Variants in RPGRIP1L observed in about 807,000 individuals in gnomAD.
The protein encoded by RPGRIP1L is protein fantom.
RPGRIP1L carries 131 observed loss-of-function variants against 160.4 expected under a neutral mutation model. The ratio of observed to expected loss-of-function variants is 0.82; its 90% confidence interval spans 0.71 to 0.94. The LOEUF is 0.94. RPGRIP1L is among the 40% of genes least tolerant of loss of function. The pLI, the probability that RPGRIP1L is intolerant of heterozygous loss-of-function variation, is 0.00. For missense variants in RPGRIP1L, 1,522 were observed against 1,535.8 expected (o/e 0.99, Z 0.15); for synonymous variants, 510 against 515.8 (o/e 0.99, Z 0.15).
chr16:53,658,901 T>C (rs1204772001), intron 10 of RPGRIP1L, 23 bp from the exon 11 acceptor site: 6 of 1,431,704 alleles, frequency 4.2e-6, no homozygotes, highest in African/African-American at 1.4e-5. Flanking sequence ...GTCCACACAA[T>C]TGGAAAGGTA....
At chr16:53,626,486 C>T (rs1201972821) in intron 22 of RPGRIP1L, among the ~76,000 whole-genome samples, 2 of 152,090 alleles carry the variant, frequency 1.3e-5, no homozygotes, top group African/African-American at 4.8e-5. Flanking sequence ...TCCTCAGTAT[C>T]ACCATGTAAA....
At chr16:53,648,583 A>G (rs1031610565) in intron 16 of RPGRIP1L, among the ~76,000 whole-genome samples, 4 of 151,846 alleles carry the variant, frequency 2.6e-5, no homozygotes, top group African/African-American at 9.7e-5. Flanking sequence ...ATAAAACTGC[A>G]AAGAATAATT....
intron 2 of RPGRIP1L, among the ~76,000 whole-genome samples, chr16:53,697,426 G>A (rs1167213971): frequency 6.6e-6 from 1 of 151,988 alleles, no homozygotes; most frequent in Non-Finnish European, 1.5e-5. Flanking sequence ...AAGCTGGACT[G>A]TGCTGCTGCC....
intron 1 of RPGRIP1L, among the ~76,000 whole-genome samples, chr16:53,702,775 C>T (rs1002406574): frequency 2.0e-5 from 3 of 151,714 alleles, no homozygotes; most frequent in African/African-American, 7.3e-5. Flanking sequence ...ACCTCAGCCT[C>T]CCGAGTAGCT....
At chr16:53,700,474 G>C (rs1241343386) in intron 2 of RPGRIP1L, among the ~76,000 whole-genome samples, 165 bp downstream of exon 2, 1 of 152,192 alleles carries the variant, frequency 6.6e-6, no homozygotes, top group Non-Finnish European at 1.5e-5. Context: ...GATGCATGTA[G>C]TAAAATACCA....
chr16:53,655,538 T>C (rs1426871037), intron 14 of RPGRIP1L: 1 of 152,198 alleles, frequency 6.6e-6, no homozygotes, highest in African/African-American at 2.4e-5. Flanking sequence ...ATTTTGGTTA[T>C]GGAGAATATG....
chr16:53,625,854 G>A (rs546175629), intron 22 of RPGRIP1L, among the ~76,000 whole-genome samples: 26 of 152,156 alleles, frequency 1.7e-4, no homozygotes, highest in Non-Finnish European at 3.4e-4. Flanking sequence ...CCAACCCCGT[G>A]CTCTCTGAAA....
At chr16:53,674,034 G>T (rs367804660) in intron 7 of RPGRIP1L, among the ~76,000 whole-genome samples, 10 of 152,040 alleles carry the variant, frequency 6.6e-5, no homozygotes, top group African/African-American at 2.4e-4. Flanking sequence ...CAACTACAGG[G>T]ATTTTTAAAA....
intron 2 of RPGRIP1L, among the ~76,000 whole-genome samples, chr16:53,699,997 G>A (rs1300418202): frequency 6.6e-6 from 1 of 152,158 alleles, no homozygotes; most frequent in African/African-American, 2.4e-5. Flanking sequence ...GCTAGAGGGG[G>A]ATTTTACGTT....
At chr16:53,664,113 A>G (rs1968041717) in intron 10 of RPGRIP1L, among the ~76,000 whole-genome samples, 1 of 152,214 alleles carries the variant, frequency 6.6e-6, no homozygotes, top group Non-Finnish European at 1.5e-5. Context: ...AACAGATATA[A>G]CAACACTTAA....
chr16:53,658,865 T>A lies in RPGRIP1L; in HGVS notation c.1257A>T (p.Lys419Asn), dbSNP rs976533506. The A allele has an allele frequency of 3.1e-6, 5 of 1,595,566 alleles. No individual in the cohort carries two copies. Among genetic ancestry groups the A allele is most frequent in the Non-Finnish European group, 4.3e-6 (5 of 1,166,724 alleles). The part of the protein sequence containing the change: ...RLKTERDQNE[K>N]LVQENRELQL... ...GTAGTTCTCTATTCTCTTGAACGAG[T>A]TTTTCATTTTGATCTTAAAAATAAA... is the stretch of plus-strand genomic sequence containing the variant. Residue 419 changes from lysine to asparagine, a missense_variant, in exon 11 of 27, where the codon AAA becomes AAT. Coordinates refer to ENST00000647211, the MANE Select transcript of RPGRIP1L (RefSeq NM_015272.5).
intron 16 of RPGRIP1L, among the ~76,000 whole-genome samples, chr16:53,647,616 G>A (rs1966646334): frequency 6.6e-6 from 1 of 152,128 alleles, no homozygotes; most frequent in South Asian, 2.1e-4. Context: ...AATAGGGTGG[G>A]GAGTGAAAGA....
At position 53,657,519 on chromosome 16, in the gene RPGRIP1L, C is replaced by T. The variant is rs1472969606; in HGVS notation, c.1515G>A (p.Thr505=). 4.3e-6 allele frequency: 7 copies of T among 1,612,560 alleles called. No individual in the cohort carries two copies. The highest frequency in any genetic ancestry group is 1.7e-5 in the Admixed American group (1 of 59,964). The change falls in exon 13 of 27, where the codon ACG becomes ACA. Residue 505 remains threonine, a synonymous_variant. Transcript: ENST00000647211. ...MRELQATHAE[T]VQELEKTRNM... is the part of the protein sequence containing the mutation. ...TTCTTGTCTTTTCCAGCTCTTGCACCGTTTCTGCATGAGTTGCTTGCAGCT... is the reference window on the plus strand; with the variant it reads ...TTCTTGTCTTTTCCAGCTCTTGCACTGTTTCTGCATGAGTTGCTTGCAGCT...
At chr16:53,693,537 A>G (rs1047241527) in intron 3 of RPGRIP1L, 6 of 152,304 alleles carry the variant, frequency 3.9e-5, no homozygotes, top group African/African-American at 1.4e-4. Flanking sequence ...AGCTATGCAT[A>G]ACATAATCAG....
intron 16 of RPGRIP1L, among the ~76,000 whole-genome samples, chr16:53,648,377 T>G (rs187266434): frequency 1.3e-5 from 2 of 152,148 alleles, no homozygotes; most frequent in East Asian, 3.8e-4. Flanking sequence ...GGAAGCACAA[T>G]AACTGATAGT....
At chr16:53,610,106 G>A (rs566619084) in intron 25 of RPGRIP1L, among the ~76,000 whole-genome samples, 1 of 152,148 alleles carries the variant, frequency 6.6e-6, no homozygotes, top group Admixed American at 6.5e-5. Flanking sequence ...CTCAAGCCGA[G>A]GGAGGACGGC....
At chr16:53,673,134 T>C in intron 7 of RPGRIP1L, 118 bp from the exon 8 acceptor site, 1 of 949,872 alleles carries the variant, frequency 1.1e-6, no homozygotes, top group Non-Finnish European at 1.6e-6. Context: ...GAAGTTCACC[T>C]TATACAGATT....
At chr16:53,648,265 G>A (rs569299248) in intron 16 of RPGRIP1L, among the ~76,000 whole-genome samples, 1 of 152,202 alleles carries the variant, frequency 6.6e-6, no homozygotes, top group African/African-American at 2.4e-5. Flanking sequence ...ATTGGGAAAT[G>A]CCACCCTGAG....
intron 22 of RPGRIP1L, among the ~76,000 whole-genome samples, chr16:53,635,151 C>A (rs981839171): frequency 6.6e-6 from 1 of 151,902 alleles, no homozygotes; most frequent in Non-Finnish European, 1.5e-5. Context: ...TTTAGAGAAA[C>A]AGTTATTTAT....
Sources: allele counts gnomAD v4.1 joint callset (sites outside exome capture counted in the v4.1 genomes callset), GRCh38; gene constraint gnomAD v4.1.1; transcripts MANE v1.5; gene names NCBI Gene and HGNC (gene_info 2026-07-23, HGNC 2026-07-21).